FRMD5: variants seen among roughly 807,000 people sequenced by gnomAD.
FRMD5 encodes FERM domain-containing protein 5.
FRMD5 carries 20 observed loss-of-function variants against 69.0 expected under a neutral mutation model. The ratio of observed to expected loss-of-function variants is 0.29; its 90% CI spans 0.20 to 0.42. The LOEUF is 0.42. Among genes scored for constraint, FRMD5 ranks in the 10% least tolerant of loss-of-function variants. FRMD5 has a pLI of 1.00. For synonymous variants in FRMD5, 271 were observed against 260.1 expected, an observed-to-expected ratio of 1.04 and a Z score of -0.40; for missense variants, 595 against 708.6, an observed-to-expected ratio of 0.84 and a Z score of 1.82.
chr15:43,874,280 G>A lies in FRMD5; in HGVS notation c.1318C>T (p.Leu440=). The change falls in exon 14 of 14, where the codon CTG becomes TTG. Residue 440 remains leucine (L), a synonymous_variant. Transcript: ENST00000417257. ...TGCCGGGAAAGCAACATCAGCTCCA[G>A]GCTGTGCTCAGCCACAGGGGTGGGC... ...VLPTPVAEHS[L]ELMLLSRQIN... is the part of the protein sequence containing the mutation. The A allele has an allele frequency of 1.2e-6, 2 of 1,614,232 alleles. No individual in the cohort carries two copies. Among genetic ancestry groups the A allele is most frequent in the Non-Finnish European group, 8.5e-7 (1 of 1,180,044 alleles).
intron 1 of FRMD5, among the ~76,000 whole-genome samples, chr15:43,958,362 G>C (rs1355540648): frequency 6.6e-6 from 1 of 152,160 alleles, no homozygotes; most frequent in East Asian, 1.9e-4. Flanking sequence ...AATGAAAAAG[G>C]CAAAAGACAG....
chr15:44,129,992 C>T (rs1284574169), intron 1 of FRMD5, among the ~76,000 whole-genome samples: 1 of 152,164 alleles, frequency 6.6e-6, no homozygotes, highest in Admixed American at 6.6e-5. Flanking sequence ...ACCTCAATGT[C>T]CACATTTACA....
chr15:43,918,653 A>G (rs1305276275), intron 4 of FRMD5, among the ~76,000 whole-genome samples: 1 of 152,222 alleles, frequency 6.6e-6, no homozygotes, highest in African/African-American at 2.4e-5. Context: ...ATTCCCTGGC[A>G]TCACATCCTT....
At chr15:44,039,706 C>T (rs563589756) in intron 1 of FRMD5, among the ~76,000 whole-genome samples, 1 of 152,226 alleles carries the variant, frequency 6.6e-6, no homozygotes, top group African/African-American at 2.4e-5. Context: ...GACAAATCCA[C>T]AAAGATGGGG....
chr15:44,087,498 GT>G (rs1894248889), intron 1 of FRMD5, among the ~76,000 whole-genome samples: 1 of 152,120 alleles, frequency 6.6e-6, no homozygotes, highest in African/African-American at 2.4e-5. Flanking sequence ...TAGTGCAGTA[GT>G]TTAAAGTATA....
chr15:43,939,147 A>C (rs2089817814), intron 1 of FRMD5, among the ~76,000 whole-genome samples: 1 of 152,020 alleles, frequency 6.6e-6, no homozygotes, highest in South Asian at 2.1e-4. Context: ...CTAGGATTAC[A>C]GGTGTGTGAG....
At chr15:44,131,281 T>C (rs140908227) in intron 1 of FRMD5, among the ~76,000 whole-genome samples, 29 of 151,728 alleles carry the variant, frequency 1.9e-4, no homozygotes, top group African/African-American at 6.8e-4. Flanking sequence ...ATGTCTATTA[T>C]CAAAAAAACA....
chr15:44,046,773 G>T (rs756769698), intron 1 of FRMD5, among the ~76,000 whole-genome samples: 13 of 152,180 alleles, frequency 8.5e-5, no homozygotes, highest in Non-Finnish European at 1.5e-4. Context: ...AATACATAAT[G>T]TAATACATTT....
At chr15:43,885,621 A>C in intron 11 of FRMD5, 60 bp downstream of exon 11, 1 of 1,397,312 alleles carries the variant, frequency 7.2e-7, no homozygotes, top group Non-Finnish European at 1.0e-6. Context: ...AGGACCACTG[A>C]GTTCTCCAGA....
intron 1 of FRMD5, among the ~76,000 whole-genome samples, chr15:44,010,133 C>G (rs1480848562): frequency 1.3e-5 from 2 of 152,202 alleles, no homozygotes; most frequent in Non-Finnish European, 2.9e-5. Context: ...TTGTTGAGGA[C>G]AGATTCCATC....
At chr15:44,166,692 G>C (rs1160614246) in intron 1 of FRMD5, among the ~76,000 whole-genome samples, 5 of 148,842 alleles carry the variant, frequency 3.4e-5, no homozygotes, top group African/African-American at 7.5e-5. Context: ...GCTGAGGCAG[G>C]AGAATGGTTT....
At chr15:44,124,908 G>A (rs2077005502) in intron 1 of FRMD5, among the ~76,000 whole-genome samples, 1 of 152,084 alleles carries the variant, frequency 6.6e-6, no homozygotes, top group South Asian at 2.1e-4. Context: ...AAGATCGCTT[G>A]AGCCCAGGAG....
At position 44,133,949 on chromosome 15, in the gene FRMD5, G is replaced by C. The variant is rs536380605; in HGVS notation, c.102+61004C>G. Among the ~76,000 whole-genome samples, 3 of 152,090 alleles carry C rather than the reference G, an allele frequency of 2.0e-5. No individual in the cohort carries two copies. The East Asian group carries it at 5.8e-4, about 29-fold the overall frequency. On this transcript the variant is annotated intron_variant, in intron 1 of 13. Coordinates refer to ENST00000417257, the MANE Select transcript of FRMD5 (RefSeq NM_032892.5). ...ATAATAATAATTTTAGCCCTAGAAG[G>C]CTGAAAAAATCAAAACTAAAAGAAA...
intron 1 of FRMD5, among the ~76,000 whole-genome samples, chr15:44,050,033 A>G (rs1428134730): frequency 6.6e-6 from 1 of 152,246 alleles, no homozygotes; most frequent in African/African-American, 2.4e-5. Context: ...ATCACCCTGT[A>G]TATGACCACA....
chr15:44,162,353 C>T (rs2077630216), intron 1 of FRMD5, among the ~76,000 whole-genome samples: 1 of 147,246 alleles, frequency 6.8e-6, no homozygotes, highest in Non-Finnish European at 1.5e-5. Context: ...TCTCCCACAT[C>T]GGTTTCCCCA....
chr15:43,917,233 G>C (rs960472389), intron 4 of FRMD5, among the ~76,000 whole-genome samples: 1 of 152,168 alleles, frequency 6.6e-6, no homozygotes, highest in Non-Finnish European at 1.5e-5. Flanking sequence ...CAACAAAGAC[G>C]TGTTAGGTTT....
chr15:43,991,066 T>C (rs1049312022), intron 1 of FRMD5, among the ~76,000 whole-genome samples: 3 of 152,232 alleles, frequency 2.0e-5, no homozygotes, highest in Admixed American at 6.5e-5. Context: ...TTAGTTCTTA[T>C]CCAATTAGAA....
intron 1 of FRMD5, among the ~76,000 whole-genome samples, chr15:43,926,527 A>G (rs1458491535): frequency 1.3e-5 from 2 of 152,280 alleles, no homozygotes; most frequent in South Asian, 4.1e-4. Flanking sequence ...AGACCTTCAC[A>G]AAAGGTTTAC....
chr15:43,894,628 C>T (rs2088872135), intron 7 of FRMD5, among the ~76,000 whole-genome samples: 1 of 151,630 alleles, frequency 6.6e-6, no homozygotes, highest in Non-Finnish European at 1.5e-5. Flanking sequence ...GGCTACTGGA[C>T]AGCTTGAAAT....
Sources: allele counts gnomAD v4.1 joint callset (sites outside exome capture counted in the v4.1 genomes callset), GRCh38; gene constraint gnomAD v4.1.1; transcripts MANE v1.5; gene names NCBI Gene and HGNC (gene_info 2026-07-23, HGNC 2026-07-21).